CLSTN3: variants seen among roughly 807,000 people sequenced by gnomAD.
The protein encoded by CLSTN3 is calsyntenin 3.
Under a neutral mutation model 95.9 loss-of-function variants are expected in CLSTN3, and 36 were observed. That is an observed-to-expected ratio of 0.38 (90% confidence interval 0.29 to 0.50). The LOEUF is 0.50. Ranked by LOEUF, CLSTN3 falls within the 20% of genes least tolerant of loss-of-function variation. The probability of loss-of-function intolerance (pLI) is 0.95; values close to 1 mark genes in which losing one functional copy is unlikely to be tolerated. For synonymous variants in CLSTN3, 481 were observed against 504.0 expected (o/e 0.95, Z 0.61); for missense variants, 1,084 against 1,268.8 (o/e 0.85, Z 2.21).
chr12:7,147,094 A>G (rs1185731087), intron 12 of CLSTN3, among the ~76,000 whole-genome samples: 1 of 152,140 alleles, frequency 6.6e-6, no homozygotes, highest in Non-Finnish European at 1.5e-5. Flanking sequence ...CATTTCCGCT[A>G]GCACCAGCGT....
At position 7,150,699 on chromosome 12, in the gene CLSTN3, G is replaced by C; in HGVS notation, c.2391+10G>C. 1 of 1,611,632 alleles carries C rather than the reference G, an allele frequency of 6.2e-7. No homozygotes were observed. The highest frequency in any genetic ancestry group is 8.5e-7 in the Non-Finnish European group (1 of 1,177,830). The stretch of plus-strand genomic sequence containing the variant: ...TGAATTCATCGTGGAGGTACCCAGA[G>C]AGTCTCCTTCCTTCCACAGTTACCC... On this transcript the variant is annotated intron_variant, in intron 15 of 17. Transcript: ENST00000266546. The surrounding 1 kb of genome is among the most constrained non-coding windows in gnomAD (Gnocchi z 4.0).
intron 8 of CLSTN3, among the ~76,000 whole-genome samples, chr12:7,140,761 G>C (rs903386494): frequency 1.3e-5 from 2 of 152,126 alleles, no homozygotes; most frequent in Non-Finnish European, 2.9e-5. Context: ...AAAAAAATTA[G>C]CTGGACATGG....
chr12:7,148,543 T>C (rs1939667622), intron 12 of CLSTN3, among the ~76,000 whole-genome samples: 1 of 152,252 alleles, frequency 6.6e-6, no homozygotes, highest in Non-Finnish European at 1.5e-5. Context: ...TGTTGAATAA[T>C]TTTGGGCGCA....
intron 12 of CLSTN3, among the ~76,000 whole-genome samples, chr12:7,146,937 C>T (rs1939630098): frequency 6.6e-6 from 1 of 152,190 alleles, no homozygotes; most frequent in Admixed American, 6.5e-5. Flanking sequence ...CCGTGTGGTA[C>T]AGGAACTCAG....
chr12:7,130,303 T>TGCC (rs1491585575), upstream of CLSTN3: 10 of 779,498 alleles, frequency 1.3e-5, no homozygotes, highest in South Asian at 2.6e-5. Flanking sequence ...CAGCACCTGG[T>TGCC]CCCCCCCCCT....
rs376830897 is a variant in CLSTN3 at position 7,151,017 on chromosome 12, G to T, written c.2481G>T (p.Pro827=). ...QQFLHRGHQP[P]PEMAGHSLAS... ...TCCTGCACCGTGGTCACCAGCCCCC[G>T]CCTGAGATGGCTGGACACAGCCTAG... The change falls in exon 16 of 18, where the codon CCG becomes CCT. Residue 827 remains proline (P), a synonymous_variant. Transcript: ENST00000266546. 1 of 1,611,926 alleles carries T rather than the reference G, an allele frequency of 6.2e-7. No homozygotes were observed. The highest frequency in any genetic ancestry group is 8.5e-7 in the Non-Finnish European group (1 of 1,178,836).
In CLSTN3 at chr12:7,137,080, G is replaced by C; in HGVS notation, c.1180G>C (p.Glu394Gln). ...TCCCAACAAGGGCAAGAAGGAAGAG[G>C]AAACCATCGTATGTAACACTGTCCA... ...VTPNKGKKEE[E>Q]TIVCNTVQNE... Residue 394 changes from glutamate to glutamine, a missense_variant, in exon 7 of 18, where the codon GAA (glutamate) becomes CAA (glutamine). Coordinates refer to ENST00000266546, the MANE Select transcript of CLSTN3 (RefSeq NM_014718.4). The surrounding 1 kb of genome is among the most constrained non-coding windows in gnomAD (Gnocchi z 4.4). 6.2e-7 allele frequency: 1 copy of C among 1,613,674 alleles called. No homozygotes were observed.
At chr12:7,156,434 C>T (rs2135820261) in intron 16 of CLSTN3, 1 of 456,916 alleles carries the variant, frequency 2.2e-6, no homozygotes, top group South Asian at 1.5e-5. Flanking sequence ...TGTCTTCCTT[C>T]AGGGGGTTGC....
In CLSTN3 at chr12:7,157,835, G is replaced by C. The variant is rs758909680; in HGVS notation, c.2731-106G>C. 1.1e-4 allele frequency: 161 copies of C among 1,506,390 alleles called. No individual in the cohort carries two copies. The highest frequency in any genetic ancestry group is 1.3e-4 in the Non-Finnish European group (150 of 1,120,970). 93.3% of individuals were successfully genotyped at this position (1,506,390 alleles called of 1,614,324 possible). On this transcript the variant is annotated intron_variant, in intron 17 of 17. Transcript: ENST00000266546. This position sits in a 1 kb window ranked among gnomAD's most constrained non-coding sequence, Gnocchi z 5.9. ...AGGGAGAGAGGTTCAGGCAGGGAAG[G>C]GGGTACACAGGGGTTAAGGGGACCG... is the stretch of plus-strand genomic sequence containing the variant.
At chr12:7,153,829 T>G (rs752811065) in intron 16 of CLSTN3, among the ~76,000 whole-genome samples, 1 of 152,292 alleles carries the variant, frequency 6.6e-6, no homozygotes, top group African/African-American at 2.4e-5. Flanking sequence ...AGAGACTTCT[T>G]GTTCTAGGAG....
Position 7,135,854 on chromosome 12 carries a change from A to G in CLSTN3, c.643A>G (p.Lys215Glu). The stretch of plus-strand genomic sequence containing the variant: ...GCAGTACAGTGGTGAGAGGCTCTAT[A>G]AGTTTACAGTGACAGCTTATGACTG... ...KLQYSGERLY[K>E]FTVTAYDCGK... Residue 215 changes from lysine (K) to glutamate (E), a missense_variant, in exon 5 of 18, where the codon AAG becomes GAG. Lys to Glu is a moderately conservative substitution (Grantham distance 56). Coordinates refer to ENST00000266546, the MANE Select transcript of CLSTN3 (RefSeq NM_014718.4). The G allele has an allele frequency of 6.2e-7, 1 of 1,613,952 alleles. No homozygotes were observed. Among genetic ancestry groups the G allele is most frequent in the African/African-American group, 1.3e-5 (1 of 75,028 alleles).
In CLSTN3 at chr12:7,158,184, G is replaced by C. The variant is rs1591624753; in HGVS notation, c.*103G>C. 7 of 1,365,218 alleles carry C rather than the reference G, an allele frequency of 5.1e-6. No individual in the cohort carries two copies. The East Asian group carries it at 1.8e-4, about 35-fold the overall frequency. The allele number at this position is 1,365,218 out of a possible 1,614,324, so 84.6% of individuals were successfully genotyped here. ...CTGGGAACACAGAGACCAAGAGGGA[G>C]AGAGGCTTCAGAACCAGTCCTCCTT... is the stretch of plus-strand genomic sequence containing the variant. On this transcript the variant is annotated 3_prime_UTR_variant, in exon 18 of 18. Coordinates refer to ENST00000266546, the MANE Select transcript of CLSTN3 (RefSeq NM_014718.4).
At chr12:7,136,129 T>C (rs1939410529) in intron 5 of CLSTN3, 77 bp from the exon 6 acceptor site, 4 of 1,545,752 alleles carry the variant, frequency 2.6e-6, no homozygotes, top group Non-Finnish European at 3.5e-6. Context: ...TCCATGGACA[T>C]GGCAAGAGGA....
chr12:7,142,523 CT>C (rs1939545880), intron 10 of CLSTN3, among the ~76,000 whole-genome samples: 1 of 152,036 alleles, frequency 6.6e-6, no homozygotes, highest in Non-Finnish European at 1.5e-5. Flanking sequence ...CCGCCTCCCC[CT>C]CCCTCCTTGT....
intron 12 of CLSTN3, among the ~76,000 whole-genome samples, chr12:7,146,119 C>T (rs145262905): frequency 2.4e-3 from 373 of 152,274 alleles, no homozygotes; most frequent in African/African-American, 7.4e-3. Context: ...ATGAAAAAGA[C>T]GTCGGTGGCT....
Position 7,157,541 on chromosome 12 carries a change from G to A in CLSTN3, c.2580G>A (p.Val860=), listed in dbSNP as rs1464226772. ...LIIVVCVGFL[V]LMVVLGLVRI... is the part of the protein sequence containing the mutation. ...TTGTGGTGTGCGTGGGCTTCCTGGTGCTCATGGTCGTCCTGGGCCTGGTGC... is the reference window on the plus strand; with the variant it reads ...TTGTGGTGTGCGTGGGCTTCCTGGTACTCATGGTCGTCCTGGGCCTGGTGC... Residue 860 remains valine, a synonymous_variant, in exon 17 of 18, where the codon GTG becomes GTA. Coordinates refer to ENST00000266546, the MANE Select transcript of CLSTN3 (RefSeq NM_014718.4). The surrounding 1 kb of genome is among the most constrained non-coding windows in gnomAD (Gnocchi z 5.9). The A allele has an allele frequency of 1.2e-6, 2 of 1,610,972 alleles. No individual in the cohort carries two copies. The highest frequency in any genetic ancestry group is 1.7e-6 in the Non-Finnish European group (2 of 1,178,502).
intron 10 of CLSTN3, 150 bp downstream of exon 10, chr12:7,142,289 G>C (rs1189372946): frequency 1.5e-6 from 1 of 658,618 alleles, no homozygotes; most frequent in Non-Finnish European, 2.6e-6. Context: ...CAGGGCAGGG[G>C]CTCCTGGAGT....
intron 12 of CLSTN3, among the ~76,000 whole-genome samples, chr12:7,148,087 C>T (rs761840789): frequency 6.6e-6 from 1 of 151,608 alleles, no homozygotes; most frequent in Non-Finnish European, 1.5e-5. Flanking sequence ...ACCCAGGAGG[C>T]AGAGGTTGCA....
Position 7,148,201 on chromosome 12 carries a change from AAAG to A in CLSTN3, c.1848-768_1848-766del, listed in dbSNP as rs767339049. Among the ~76,000 whole-genome samples the A allele has an allele frequency of 1.5e-3, 199 of 135,478 alleles. 2 individuals are homozygous for A. The highest frequency in any genetic ancestry group is 0.011 in the South Asian group (40 of 3,774). The allele number at this position is 135,478 out of a possible 152,430, so 88.9% of individuals were successfully genotyped here. A position where few individuals can be genotyped will look rare whatever the true frequency, so the allele number is the denominator to read the frequency against. Reference sequence around the variant, plus strand: ...GAAAGAAAGAAAGAAAGAAAGAAAGAAAGAAAGAAAGAAATGTGGGAAAATGCT... The same window carrying A: ...GAAAGAAAGAAAGAAAGAAAGAAAGAAAAGAAAGAAATGTGGGAAAATGCT... On this transcript the variant is annotated intron_variant, in intron 12 of 17. Transcript: ENST00000266546.
Sources: gnomAD v4.1 joint callset for allele counts (sites outside exome capture counted in the v4.1 genomes callset) on GRCh38, gnomAD v4.1.1 for gene constraint, Gnocchi (gnomAD v3.1) non-coding constraint, MANE v1.5 for transcripts, NCBI Gene and HGNC (gene_info 2026-07-23, HGNC 2026-07-21) for gene names.